TEX9: variants seen among roughly 807,000 people sequenced by gnomAD.
TEX9 encodes the protein testis-expressed protein 9.
In TEX9, 74 loss-of-function variants were observed where a neutral mutation model predicts 59.6. The ratio of observed to expected loss-of-function variants is 1.24; its 90% CI spans 1.03 to 1.51. The LOEUF (loss-of-function observed/expected upper bound fraction) is 1.51. Ranked by LOEUF, TEX9 falls within the 40% of genes most tolerant of loss-of-function variation. The probability of loss-of-function intolerance (pLI) is 0.00; values close to 1 mark genes in which losing one functional copy is unlikely to be tolerated. For synonymous variants in TEX9, 186 were observed against 152.2 expected (o/e 1.22, Z -1.64); for missense variants, 522 against 447.8 (o/e 1.17, Z -1.49).
the TEX9 span, among the ~76,000 whole-genome samples, chr15:56,456,089 A>G: frequency 2.0e-5 from 3 of 152,142 alleles, no homozygotes; most frequent in Admixed American, 6.6e-5. Flanking sequence ...TAAACTAGTT[A>G]TTACCTAAGG....
chr15:56,293,809 A>G (rs2141520466), intron 1 of TEX9, among the ~76,000 whole-genome samples: 1 of 152,362 alleles, frequency 6.6e-6, no homozygotes, highest in South Asian at 2.1e-4. Flanking sequence ...AACACCATCC[A>G]TGACTTCATG....
intron 3 of TEX9, among the ~76,000 whole-genome samples, chr15:56,383,337 TGAAGTTAAAACCA>T (rs1291882477): frequency 2.0e-5 from 3 of 152,242 alleles, no homozygotes; most frequent in Non-Finnish European, 2.9e-5. Context: ...TTCAATGATA[TGAAGTTAAAACCA>T]GGTACTGTGT....
chr15:56,285,779 A>G (rs1427968823), intron 1 of TEX9, among the ~76,000 whole-genome samples: 1 of 152,196 alleles, frequency 6.6e-6, no homozygotes, highest in East Asian at 1.9e-4. Context: ...TATAATGACT[A>G]CATTTTTATG....
At chr15:56,367,490 AT>A (rs2046997462) in intron 2 of TEX9, among the ~76,000 whole-genome samples, 4 of 152,176 alleles carry the variant, frequency 2.6e-5, no homozygotes. Context: ...GTCCGAAAGG[AT>A]AGACTAAGGA....
At chr15:56,305,736 C>G (rs933870119) in intron 1 of TEX9, among the ~76,000 whole-genome samples, 5 of 152,116 alleles carry the variant, frequency 3.3e-5, no homozygotes, top group Non-Finnish European at 7.4e-5. Context: ...AGTAATACCC[C>G]ATGAGCACAG....
At chr15:56,330,448 A>C (rs1481316538) in intron 1 of TEX9, among the ~76,000 whole-genome samples, 6 of 152,194 alleles carry the variant, frequency 3.9e-5, no homozygotes, top group Non-Finnish European at 8.8e-5. Flanking sequence ...TGATGAACCA[A>C]TCAAAAATAA....
At chr15:56,426,626 T>TATACACACACACAC (rs1214988827) in intron 10 of TEX9, among the ~76,000 whole-genome samples, 1 of 47,200 alleles carries the variant, frequency 2.1e-5, no homozygotes, top group Non-Finnish European at 5.0e-5. Flanking sequence ...TATATATATA[T>TATACACACACACAC]ACACACACAC....
At chr15:56,315,792 C>G (rs7164929) in intron 1 of TEX9, among the ~76,000 whole-genome samples, 55,184 of 145,856 alleles carry the variant, frequency 0.38, 11,678 homozygotes, top group Middle Eastern at 0.52. Context: ...GTACACCAAT[C>G]AGATGTAGAT....
At chr15:56,296,712 A>G (rs1405120548) in intron 1 of TEX9, among the ~76,000 whole-genome samples, 1 of 152,204 alleles carries the variant, frequency 6.6e-6, no homozygotes, top group Non-Finnish European at 1.5e-5. Context: ...TTTGCCCTTA[A>G]ATTTGAATAT....
rs114860967 is a variant in TEX9, at chr15:56,433,150, C to A, written c.*29+4677C>A. On this transcript the variant is annotated intron_variant, in intron 12 of 12. Transcript: ENST00000352903. ...TTATTTGCACCCTCAAAATCTATTTCTTTTCCTCTATACTCTTTCCTTAGG... is the reference window on the plus strand; with the variant it reads ...TTATTTGCACCCTCAAAATCTATTTATTTTCCTCTATACTCTTTCCTTAGG... Among the ~76,000 whole-genome samples, 165 of 150,176 alleles carry A rather than the reference C, an allele frequency of 1.1e-3. 1 individual carries two copies. Among genetic ancestry groups the A allele is most frequent in the African/African-American group, 3.7e-3 (151 of 41,004 alleles).
intron 6 of TEX9, among the ~76,000 whole-genome samples, chr15:56,390,472 A>G (rs965659298): frequency 2.6e-5 from 4 of 151,974 alleles, no homozygotes; most frequent in Non-Finnish European, 4.4e-5. Context: ...GTGTATACCT[A>G]CTGTGTACCC....
intron 1 of TEX9, among the ~76,000 whole-genome samples, chr15:56,334,306 C>T (rs1459400840): frequency 1.3e-5 from 2 of 152,122 alleles, no homozygotes; most frequent in African/African-American, 2.4e-5. Flanking sequence ...GGCATAAAGA[C>T]AGACACATAG....
intron 9 of TEX9, chr15:56,395,605 C>T (rs2048430594): frequency 6.6e-6 from 1 of 152,100 alleles, no homozygotes; most frequent in African/African-American, 2.4e-5. Flanking sequence ...GCATGAAGCT[C>T]CTAATTTCTA....
the TEX9 span, chr15:56,456,582 T>C: frequency 6.4e-7 from 1 of 1,562,536 alleles, no homozygotes; most frequent in Non-Finnish European, 8.6e-7. Flanking sequence ...TCATCAAGGT[T>C]GAATTTGTTT....
chr15:56,425,193 A>G (rs953425095), intron 10 of TEX9, among the ~76,000 whole-genome samples: 9 of 152,140 alleles, frequency 5.9e-5, no homozygotes, highest in Non-Finnish European at 1.3e-4. Flanking sequence ...CACTCGACTG[A>G]TTAAAATGTG....
At chr15:56,353,138 G>T (rs1324212919) in intron 1 of TEX9, among the ~76,000 whole-genome samples, 3 of 152,080 alleles carry the variant, frequency 2.0e-5, no homozygotes, top group African/African-American at 7.2e-5. Context: ...AGGTTTCTAG[G>T]ATGTCAATAC....
chr15:56,393,313 A>G (rs2142311838), intron 7 of TEX9, among the ~76,000 whole-genome samples: 1 of 152,270 alleles, frequency 6.6e-6, no homozygotes, highest in East Asian at 1.9e-4. Flanking sequence ...GTAGGGTTAG[A>G]GCCAACCATA....
intron 1 of TEX9, among the ~76,000 whole-genome samples, chr15:56,279,280 A>G (rs2044758193): frequency 6.6e-6 from 1 of 152,234 alleles, no homozygotes; most frequent in Non-Finnish European, 1.5e-5. Context: ...AGTGAATGAC[A>G]TATAGGAGGC....
At chr15:56,458,224 T>C in the TEX9 span, among the ~76,000 whole-genome samples, 1 of 152,212 alleles carries the variant, frequency 6.6e-6, no homozygotes, top group Admixed American at 6.5e-5. Flanking sequence ...CAATTCACAA[T>C]TCAGTGATGT....
Sources: gnomAD v4.1 joint callset for allele counts (sites outside exome capture counted in the v4.1 genomes callset) on GRCh38, gnomAD v4.1.1 for gene constraint, MANE v1.5 for transcripts, NCBI Gene and HGNC (gene_info 2026-07-23, HGNC 2026-07-21) for gene names.